Variants in KCNQ5 observed in about 807,000 individuals in gnomAD.
KCNQ5 encodes the protein potassium voltage-gated channel subfamily KQT member 5.
KCNQ5 carries 30 observed loss-of-function variants against 98.2 expected under a neutral mutation model. The observed-to-expected ratio is 0.31, with a 90% CI of 0.23 to 0.41. The LOEUF is 0.41. Among genes scored for constraint, KCNQ5 ranks in the 10% least tolerant of loss-of-function variants. The pLI, the probability that KCNQ5 is intolerant of heterozygous loss-of-function variation, is 1.00. For synonymous variants in KCNQ5, 458 were observed against 449.4 expected (o/e 1.02, Z -0.24); for missense variants, 835 against 1,182.5 (o/e 0.71, Z 4.31).
At chr6:72,636,828 T>C (rs1366852379) in intron 1 of KCNQ5, among the ~76,000 whole-genome samples, 1 of 152,218 alleles carries the variant, frequency 6.6e-6, no homozygotes, top group Non-Finnish European at 1.5e-5. Flanking sequence ...CTGAATTGAC[T>C]TAGGATAAAA....
At chr6:72,626,060 A>T (rs1565039829) in intron 1 of KCNQ5, among the ~76,000 whole-genome samples, 3 of 152,220 alleles carry the variant, frequency 2.0e-5, no homozygotes, top group South Asian at 2.1e-4. Flanking sequence ...CAATTATTAG[A>T]GTGTGTAATA....
intron 1 of KCNQ5, among the ~76,000 whole-genome samples, chr6:72,895,760 A>G (rs1438781128): frequency 1.3e-5 from 2 of 151,154 alleles, no homozygotes; most frequent in African/African-American, 2.4e-5. Flanking sequence ...TTTAATGTTT[A>G]TGTATATTAA....
chr6:73,003,585 CCT>C (rs752717141), intron 1 of KCNQ5, among the ~76,000 whole-genome samples: 4 of 151,994 alleles, frequency 2.6e-5, no homozygotes, highest in Non-Finnish European at 5.9e-5. Context: ...ACTTTCTGGG[CCT>C]CTCTCAGGAT....
At chr6:73,148,621 A>T (rs914951507) in intron 10 of KCNQ5, among the ~76,000 whole-genome samples, 12 of 152,256 alleles carry the variant, frequency 7.9e-5, no homozygotes, top group Admixed American at 5.2e-4. Flanking sequence ...TTTACCTGCC[A>T]TAGGTATAAT....
At chr6:73,035,313 T>C (rs1286113735) in intron 2 of KCNQ5, among the ~76,000 whole-genome samples, 1 of 152,240 alleles carries the variant, frequency 6.6e-6, no homozygotes, top group African/African-American at 2.4e-5. Context: ...TAAAGAGTTA[T>C]CCAAGCCAAG....
intron 10 of KCNQ5, among the ~76,000 whole-genome samples, chr6:73,137,442 A>G (rs1776517381): frequency 6.6e-6 from 1 of 152,200 alleles, no homozygotes; most frequent in Admixed American, 6.5e-5. Context: ...TATGATATGA[A>G]TCATATTTTT....
chr6:72,809,889 A>C (rs1233376118), intron 1 of KCNQ5, among the ~76,000 whole-genome samples: 2 of 152,174 alleles, frequency 1.3e-5, no homozygotes, highest in Non-Finnish European at 2.9e-5. Context: ...CAATGGATCC[A>C]ATGAACACAA....
intron 1 of KCNQ5, among the ~76,000 whole-genome samples, chr6:72,738,800 A>T (rs1438348117): frequency 6.6e-6 from 1 of 152,184 alleles, no homozygotes; most frequent in South Asian, 2.1e-4. Context: ...AGCCAATCTG[A>T]AAAGGCTATA....
At chr6:72,987,265 A>T (rs563614649) in intron 1 of KCNQ5, 2 of 691,318 alleles carry the variant, frequency 2.9e-6, no homozygotes, top group Admixed American at 3.6e-5. Context: ...CCTTGGAAGG[A>T]GGAAACAGAG....
intron 1 of KCNQ5, among the ~76,000 whole-genome samples, chr6:72,790,271 C>T (rs953519953): frequency 2.6e-5 from 4 of 152,194 alleles, no homozygotes; most frequent in African/African-American, 4.8e-5. Context: ...AATGATAAGG[C>T]CACTAAAGCC....
intron 1 of KCNQ5, among the ~76,000 whole-genome samples, chr6:72,914,421 A>T (rs1780053177): frequency 6.6e-6 from 1 of 151,388 alleles, no homozygotes; most frequent in African/African-American, 2.4e-5. Flanking sequence ...ACCAGAAGGG[A>T]GTACTTTAGG....
intron 1 of KCNQ5, among the ~76,000 whole-genome samples, chr6:72,892,982 T>TG (rs1562050809): frequency 6.6e-6 from 1 of 152,182 alleles, no homozygotes; most frequent in African/African-American, 2.4e-5. Flanking sequence ...ATGGACATCC[T>TG]GGGGGAAGAG....
At chr6:73,097,142 C>CACATATATATATATATATATATATATAT (rs1554208504) in intron 5 of KCNQ5, among the ~76,000 whole-genome samples, 2 of 121,858 alleles carry the variant, frequency 1.6e-5, no homozygotes, top group Non-Finnish European at 3.5e-5. Context: ...CAATAGATCT[C>CACATATATATATATATATATATATATAT]ATATATATAT....
intron 10 of KCNQ5, among the ~76,000 whole-genome samples, chr6:73,141,321 G>A (rs988052426): frequency 2.5e-4 from 38 of 152,236 alleles, no homozygotes; most frequent in African/African-American, 8.9e-4. Context: ...TGAGGGTTAG[G>A]GATTTAACAT....
intron 1 of KCNQ5, among the ~76,000 whole-genome samples, chr6:72,703,197 C>G (rs1289799234): frequency 6.6e-6 from 1 of 152,246 alleles, no homozygotes; most frequent in Non-Finnish European, 1.5e-5. Context: ...AGATTCTCAA[C>G]TCCACTCCAG....
intron 1 of KCNQ5, among the ~76,000 whole-genome samples, chr6:72,847,545 T>C (rs1258669395): frequency 1.3e-5 from 2 of 152,130 alleles, no homozygotes; most frequent in Non-Finnish European, 2.9e-5. Context: ...TAATTGAGAA[T>C]TGGCCTTAGG....
chr6:72,830,873 C>G (rs1478740139), intron 1 of KCNQ5, among the ~76,000 whole-genome samples: 1 of 151,880 alleles, frequency 6.6e-6, no homozygotes. Flanking sequence ...ACAAAGAACT[C>G]AAACAAATTT....
At chr6:72,746,795 A>G (rs1322522748) in intron 1 of KCNQ5, among the ~76,000 whole-genome samples, 4 of 152,200 alleles carry the variant, frequency 2.6e-5, no homozygotes, top group Admixed American at 6.5e-5. Context: ...CATCAAGAAC[A>G]TTAACATTAA....
At chr6:73,022,670 C>G (rs552239733) in intron 2 of KCNQ5, among the ~76,000 whole-genome samples, 2 of 152,198 alleles carry the variant, frequency 1.3e-5, no homozygotes, top group South Asian at 2.1e-4. Flanking sequence ...GTTAAGTGCC[C>G]TAGCTCATTC....
Sources: allele counts gnomAD v4.1 joint callset (sites outside exome capture counted in the v4.1 genomes callset), GRCh38; gene constraint gnomAD v4.1.1; transcripts MANE v1.5; gene names NCBI Gene and HGNC (gene_info 2026-07-23, HGNC 2026-07-21).